The following PRH1 variants were observed in gnomAD, a reference collection of about 807,000 sequenced individuals.
The protein encoded by PRH1 is proline rich protein HaeIII subfamily 1, also known as salivary acidic proline-rich phosphoprotein 1/2.
A neutral mutation model predicts 7.9 loss-of-function variants in PRH1; 7 were observed. That is an observed-to-expected ratio of 0.89 (90% CI 0.50 to 1.67). The LOEUF (loss-of-function observed/expected upper bound fraction) is 1.67, where lower values mean the gene tolerates loss of function less well. PRH1 is among the 40% of genes most tolerant of loss of function. The pLI, the probability that PRH1 is intolerant of heterozygous loss-of-function variation, is 0.00. For missense variants in PRH1, 109 were observed against 223.6 expected (o/e 0.49, Z 3.27); for synonymous variants, 45 against 80.8 (o/e 0.56, Z 2.38).
intron 1 of PRH1, among the ~76,000 whole-genome samples, chr12:11,154,624 A>C (rs1947199431): frequency 6.6e-6 from 1 of 152,198 alleles, no homozygotes; most frequent in Non-Finnish European, 1.5e-5. Flanking sequence ...GAAGTCACCC[A>C]GGGAATCTCT....
intron 2 of PRH1, among the ~76,000 whole-genome samples, chr12:10,899,879 CAAAG>C (rs1949700158): frequency 6.6e-6 from 1 of 151,982 alleles, no homozygotes; most frequent in Non-Finnish European, 1.5e-5. Context: ...ATCAGGCACA[CAAAG>C]AAATAGAAAA....
intron 2 of PRH1, among the ~76,000 whole-genome samples, chr12:10,934,337 G>A (rs1004912984): frequency 3.3e-5 from 5 of 152,036 alleles, no homozygotes; most frequent in African/African-American, 4.8e-5. Context: ...CATTATTACC[G>A]AAATCAGACA....
At chr12:11,150,341 A>T (rs536964314) in intron 1 of PRH1, among the ~76,000 whole-genome samples, 1 of 152,230 alleles carries the variant, frequency 6.6e-6, no homozygotes, top group African/African-American at 2.4e-5. Context: ...AAGGACTATA[A>T]ATCATGCTGC....
chr12:11,069,791 G>A (rs796278946), intron 1 of PRH1, among the ~76,000 whole-genome samples: 1 of 151,544 alleles, frequency 6.6e-6, no homozygotes, highest in Non-Finnish European at 1.5e-5. Context: ...GGAAAATCAA[G>A]AAACCTCAAC....
At chr12:11,074,185 C>G (rs796704871) in intron 1 of PRH1, among the ~76,000 whole-genome samples, 30,480 of 102,840 alleles carry the variant, frequency 0.3, 7,194 homozygotes, top group Non-Finnish European at 0.37. Flanking sequence ...AACAGAAAAG[C>G]TTAGTTGCTC....
chr12:10,929,965 G>A (rs1234004902), intron 2 of PRH1, among the ~76,000 whole-genome samples: 1 of 152,100 alleles, frequency 6.6e-6, no homozygotes, highest in Non-Finnish European at 1.5e-5. Flanking sequence ...AGGGCAGAAG[G>A]ATCCCCAAAT....
At chr12:11,063,840 A>C (rs1468918641) in intron 1 of PRH1, among the ~76,000 whole-genome samples, 1 of 152,132 alleles carries the variant, frequency 6.6e-6, no homozygotes, top group African/African-American at 2.4e-5. Flanking sequence ...CAACTAAATA[A>C]GAAAGTGCTC....
chr12:10,941,077 A>G (rs1215072426), intron 2 of PRH1, among the ~76,000 whole-genome samples: 1 of 152,156 alleles, frequency 6.6e-6, no homozygotes, highest in East Asian at 1.9e-4. Context: ...CGCTATATCC[A>G]GGCAATAAAG....
Position 10,930,098 on chromosome 12 carries a change from C to A in PRH1, c.-59+43557G>T, listed in dbSNP as rs548371682. ...GGTTGACGCTCAGTGTAGTAACAAT[C>A]CTGCTTTCCCTTACATCTTCTTCCA... is the stretch of plus-strand genomic sequence containing the variant. On this transcript the variant is annotated intron_variant, in intron 2 of 3. Transcript: ENST00000539853. Among the ~76,000 whole-genome samples, 156 of 152,230 alleles carry A rather than the reference C, an allele frequency of 1.0e-3. 2 individuals are homozygous for A. The South Asian group carries it at 0.018, about 18-fold the overall frequency.
chr12:11,144,420 C>T (rs1946804107), intron 1 of PRH1, among the ~76,000 whole-genome samples: 1 of 152,138 alleles, frequency 6.6e-6, no homozygotes, highest in Non-Finnish European at 1.5e-5. Context: ...AACTGAAGGG[C>T]TGGTCTCACT....
At chr12:11,040,917 C>T (rs765843933) in intron 1 of PRH1, among the ~76,000 whole-genome samples, 12 of 151,928 alleles carry the variant, frequency 7.9e-5, no homozygotes, top group Non-Finnish European at 1.5e-4. Context: ...ATTTGCAAGC[C>T]TCATGGTAAT....
chr12:10,938,573 A>G (rs753229996), intron 2 of PRH1: 8 of 1,613,896 alleles, frequency 5.0e-6, no homozygotes, highest in African/African-American at 1.3e-5. Context: ...AGTGTGCTGC[A>G]TCTTCTTGCG....
At chr12:11,153,646 T>C (rs1393658079) in intron 1 of PRH1, among the ~76,000 whole-genome samples, 3 of 152,138 alleles carry the variant, frequency 2.0e-5, no homozygotes, top group Non-Finnish European at 4.4e-5. Context: ...TACAGAGGAA[T>C]GCTGATACCA....
intron 1 of PRH1, among the ~76,000 whole-genome samples, chr12:10,993,050 T>A (rs10772404): frequency 0.3 from 46,358 of 152,154 alleles, 8,928 homozygotes; most frequent in East Asian, 0.74. Context: ...ATCCCTATTC[T>A]GTTAACCTAT....
chr12:10,908,176 T>A, intron 2 of PRH1: 1 of 459,178 alleles, frequency 2.2e-6, no homozygotes, highest in Non-Finnish European at 3.8e-6. Flanking sequence ...AGTTTCAAAT[T>A]CCTAATAATG....
At chr12:11,139,129 G>A (rs1387211361) in intron 1 of PRH1, among the ~76,000 whole-genome samples, 1 of 152,038 alleles carries the variant, frequency 6.6e-6, no homozygotes, top group Admixed American at 6.6e-5. Context: ...TAATTACAAT[G>A]GTATCTATGA....
intron 1 of PRH1, chr12:10,997,243 G>A (rs764029720): frequency 3.7e-6 from 6 of 1,614,030 alleles, no homozygotes; most frequent in Non-Finnish European, 5.1e-6. Context: ...CTTTGCCATG[G>A]AGCTGCATCT....
At chr12:11,020,443 CTTATT>C (rs1480626357) in intron 1 of PRH1, among the ~76,000 whole-genome samples, 7 of 27,326 alleles carry the variant, frequency 2.6e-4, no homozygotes, top group Non-Finnish European at 5.6e-4. Context: ...GTGGAGTTAA[CTTATT>C]TTAAGTTCTA....
chr12:10,959,935 G>A (rs1340278628), intron 2 of PRH1, among the ~76,000 whole-genome samples: 1 of 152,124 alleles, frequency 6.6e-6, no homozygotes, highest in African/African-American at 2.4e-5. Flanking sequence ...TTGAGAAGAG[G>A]TGCCCAGTGA....
Sources: gnomAD v4.1 joint callset for allele counts (sites outside exome capture counted in the v4.1 genomes callset) on GRCh38, gnomAD v4.1.1 for gene constraint, MANE v1.5 for transcripts, NCBI Gene and HGNC (gene_info 2026-07-23, HGNC 2026-07-21) for gene names.